Variants in PLSCR2 observed in about 807,000 individuals in gnomAD.
The protein encoded by PLSCR2 is phospholipid scramblase 2.
PLSCR2 carries 18 observed loss-of-function variants against 25.3 expected under a neutral mutation model. The observed-to-expected ratio is 0.71, with a 90% CI of 0.49 to 1.06. The LOEUF is 1.06. Among genes scored for constraint, PLSCR2 ranks in the 50% least tolerant of loss-of-function variants. The pLI is 0.00. For missense variants in PLSCR2, 243 were observed against 269.5 expected (o/e 0.90, Z 0.69); for synonymous variants, 88 against 87.3 (o/e 1.01, Z -0.04).
chr3:146,486,357 C>CA (rs1259129956), intron 1 of PLSCR2, among the ~76,000 whole-genome samples: 3 of 141,864 alleles, frequency 2.1e-5, no homozygotes, highest in African/African-American at 2.6e-5. Flanking sequence ...AAAAACCCTT[C>CA]AAAAAAAATC....
chr3:146,432,576 T>C (rs1258874375), downstream of PLSCR2, among the ~76,000 whole-genome samples: 2 of 152,128 alleles, frequency 1.3e-5, no homozygotes, highest in East Asian at 3.8e-4. Flanking sequence ...AGTGGTAAGG[T>C]CTCTACTCAA....
intron 2 of PLSCR2, among the ~76,000 whole-genome samples, chr3:146,410,813 C>T (rs2038821961): frequency 6.6e-6 from 1 of 152,158 alleles, no homozygotes; most frequent in Admixed American, 6.5e-5. Flanking sequence ...GGAAGGGGTC[C>T]CATGATGGGA....
intron 1 of PLSCR2, among the ~76,000 whole-genome samples, chr3:146,467,381 C>T (rs138745956): frequency 2.7e-4 from 41 of 152,160 alleles, no homozygotes; most frequent in African/African-American, 8.4e-4. Context: ...ACAACCCAGA[C>T]CTCCCTTGAA....
intron 1 of PLSCR2, among the ~76,000 whole-genome samples, chr3:146,476,329 G>T (rs765878690): frequency 2.2e-4 from 34 of 152,318 alleles, no homozygotes; most frequent in Non-Finnish European, 4.1e-4. Flanking sequence ...CAAGGGAGGC[G>T]CTGAGTGTTC....
At chr3:146,430,637 T>A (rs1170179487), downstream of PLSCR2, among the ~76,000 whole-genome samples, 2 of 152,194 alleles carry the variant, frequency 1.3e-5, no homozygotes, top group Non-Finnish European at 2.9e-5. Context: ...TGTAGAGAGA[T>A]GTTAATTAAC....
At chr3:146,449,113 A>T in intron 6 of PLSCR2, 93 bp downstream of exon 6, 1 of 945,724 alleles carries the variant, frequency 1.1e-6, no homozygotes, top group Non-Finnish European at 1.6e-6. Flanking sequence ...TTTACACTTT[A>T]AATGGTAATC....
intron 2 of PLSCR2, among the ~76,000 whole-genome samples, chr3:146,417,182 T>C (rs2039025523): frequency 6.6e-6 from 1 of 152,148 alleles, no homozygotes; most frequent in Non-Finnish European, 1.5e-5. Context: ...AGAATAAAAC[T>C]TATAAAATAA....
At chr3:146,431,806 TA>T (rs537341110), downstream of PLSCR2, among the ~76,000 whole-genome samples, 1 of 150,712 alleles carries the variant, frequency 6.6e-6, no homozygotes, top group Non-Finnish European at 1.5e-5. Context: ...ATGAACTGCG[TA>T]AACACAATTC....
chr3:146,459,656 TTTTGA>T (rs2041440375), intron 2 of PLSCR2, among the ~76,000 whole-genome samples, 187 bp downstream of exon 2: 1 of 152,248 alleles, frequency 6.6e-6, no homozygotes, highest in Non-Finnish European at 1.5e-5. Flanking sequence ...GACATTCATA[TTTTGA>T]TTTAACAATG....
chr3:146,468,417 G>A (rs1223816056), intron 1 of PLSCR2, among the ~76,000 whole-genome samples: 7 of 152,248 alleles, frequency 4.6e-5, no homozygotes, highest in African/African-American at 1.7e-4. Context: ...AACAACGACT[G>A]CCTGTTCCTG....
chr3:146,420,518 CCAAGCAAAAAGATATAA>C (rs1212787142), intron 2 of PLSCR2, among the ~76,000 whole-genome samples: 5 of 151,632 alleles, frequency 3.3e-5, no homozygotes, highest in African/African-American at 4.8e-5. Flanking sequence ...ACACTTGTAA[CCAAGCAAAAAGATATAA>C]AGCAATCATG....
chr3:146,441,114 C>T (rs751368972), downstream of PLSCR2, among the ~76,000 whole-genome samples: 8 of 151,942 alleles, frequency 5.3e-5, no homozygotes, highest in Non-Finnish European at 7.4e-5. Context: ...GTAGTCATTA[C>T]GAAAACCTTA....
downstream of PLSCR2, among the ~76,000 whole-genome samples, chr3:146,429,986 T>C (rs981423588): frequency 3.3e-5 from 5 of 152,052 alleles, no homozygotes; most frequent in Non-Finnish European, 7.4e-5. Flanking sequence ...ACACTTTCTG[T>C]CCTAGGATAA....
At chr3:146,453,493 G>A (rs1431857408) in intron 5 of PLSCR2, among the ~76,000 whole-genome samples, 2 of 151,914 alleles carry the variant, frequency 1.3e-5, no homozygotes, top group Admixed American at 6.6e-5. Flanking sequence ...TTTAATACAG[G>A]GTTAAAGAAG....
chr3:146,423,282 T>TCTCTCTAC (rs758576585), intron 2 of PLSCR2, among the ~76,000 whole-genome samples: 1 of 100,962 alleles, frequency 9.9e-6, no homozygotes, highest in South Asian at 3.7e-4. Flanking sequence ...TCTCTCTCTC[T>TCTCTCTAC]CCCTGGCTAG....
At chr3:146,460,495 G>A (rs987671447), upstream of PLSCR2, among the ~76,000 whole-genome samples, 19 of 149,736 alleles carry the variant, frequency 1.3e-4, no homozygotes, top group African/African-American at 4.7e-4. Context: ...CATTCCCAGA[G>A]CCAAAGGCAC....
chr3:146,449,684 G>T (rs1321074322), intron 5 of PLSCR2, among the ~76,000 whole-genome samples: 2 of 151,982 alleles, frequency 1.3e-5, no homozygotes, highest in African/African-American at 4.8e-5. Flanking sequence ...AGCAGAAAAG[G>T]ATATAAATTT....
intron 1 of PLSCR2, among the ~76,000 whole-genome samples, chr3:146,479,024 G>C (rs1001015497): frequency 6.6e-6 from 1 of 152,012 alleles, no homozygotes; most frequent in Non-Finnish European, 1.5e-5. Context: ...AAATAAAATC[G>C]TTTACAGACA....
chr3:146,430,100 A>G (rs936519432), downstream of PLSCR2, among the ~76,000 whole-genome samples: 5 of 152,222 alleles, frequency 3.3e-5, no homozygotes, highest in African/African-American at 1.2e-4. Context: ...AAGCATAGCC[A>G]TGTAGAAAGA....
Sources: allele counts gnomAD v4.1 joint callset (sites outside exome capture counted in the v4.1 genomes callset), GRCh38; gene constraint gnomAD v4.1.1; transcripts MANE v1.5; gene names NCBI Gene and HGNC (gene_info 2026-07-23, HGNC 2026-07-21).